SRP72: variants seen among roughly 807,000 people sequenced by gnomAD.
SRP72 encodes signal recognition particle 72, also known as signal recognition particle subunit SRP72.
In SRP72, 49 loss-of-function variants were observed where a neutral mutation model predicts 96.3. That is an observed-to-expected ratio of 0.51 (90% confidence interval 0.40 to 0.65). The LOEUF is 0.65. Among genes scored for constraint, SRP72 ranks in the 30% least tolerant of loss-of-function variants. SRP72 has a pLI of 0.00. For synonymous variants in SRP72, 267 were observed against 275.2 expected (o/e 0.97, Z 0.30); for missense variants, 736 against 793.3 (o/e 0.93, Z 0.87).
intron 11 of SRP72, 139 bp from the exon 12 acceptor site, chr4:56,487,808 TTA>T (rs1720771388): frequency 4.8e-6 from 3 of 621,860 alleles, no homozygotes; most frequent in South Asian, 2.1e-5. Flanking sequence ...ACCCCAAAGT[TTA>T]TATGTTTAGC....
At chr4:56,495,482 C>T (rs538060261) in intron 17 of SRP72, 88 bp downstream of exon 17, 73 of 774,084 alleles carry the variant, frequency 9.4e-5, no homozygotes, top group East Asian at 6.5e-4. Context: ...CATAAATATA[C>T]TGCCCTCCCT....
intron 11 of SRP72, among the ~76,000 whole-genome samples, chr4:56,486,964 A>C (rs535564439): frequency 3.4e-4 from 52 of 152,338 alleles, no homozygotes; most frequent in Middle Eastern, 3.4e-3. Context: ...CACTAGCCAC[A>C]TACAGCTATT....
chr4:56,487,333 C>A (rs1342852176), intron 11 of SRP72, among the ~76,000 whole-genome samples: 1 of 152,152 alleles, frequency 6.6e-6, no homozygotes, highest in Non-Finnish European at 1.5e-5. Flanking sequence ...CCAATTCTCA[C>A]ATTTCTTTGC....
At position 56,467,711 on chromosome 4, in the gene SRP72, G is replaced by A; in HGVS notation, c.76G>A (p.Asp26Asn). ...AGTGAACCGGTATGGCCAGAACGGC[G>A]ACTTCACGCGCGCTCTCAAGACCGT... ...SEVNRYGQNG[D>N]FTRALKTVNK... is the part of the protein sequence containing the mutation. The change falls in exon 1 of 19, where the codon GAC (aspartate) becomes AAC (asparagine). Residue 26 changes from aspartate (D) to asparagine (N), a missense_variant. Physicochemically the swap from Asp to Asn is conservative, Grantham distance 23. Transcript: ENST00000642900. The A allele has an allele frequency of 6.4e-7, 1 of 1,553,924 alleles. No individual in the cohort carries two copies. The highest frequency in any genetic ancestry group is 8.7e-7 in the Non-Finnish European group (1 of 1,153,568).
chr4:56,476,725 A>G, intron 6 of SRP72, 23 bp downstream of exon 6: 1 of 1,611,102 alleles, frequency 6.2e-7, no homozygotes, highest in Non-Finnish European at 8.5e-7. Flanking sequence ...TCATTGTTAA[A>G]CCTAAATTTT....
At chr4:56,473,340 C>G (rs59828502) in intron 3 of SRP72, among the ~76,000 whole-genome samples, 12,587 of 151,750 alleles carry the variant, frequency 0.083, 671 homozygotes, top group East Asian at 0.27. Context: ...GGCGCCTGGT[C>G]CCAGCTACTC....
chr4:56,489,316 G>GT (rs1560685221), intron 12 of SRP72, 72 bp from the exon 13 acceptor site: 4 of 790,672 alleles, frequency 5.1e-6, no homozygotes, highest in East Asian at 2.7e-5. Flanking sequence ...TTTCTTCAGC[G>GT]TTTTTTATTT....
At chr4:56,490,289 A>T in intron 13 of SRP72, 44 bp from the exon 14 acceptor site, 1 of 1,492,496 alleles carries the variant, frequency 6.7e-7, no homozygotes, top group Non-Finnish European at 9.3e-7. Flanking sequence ...CACTTGCTAG[A>T]TATTTAACTT....
At chr4:56,498,358 C>T (rs1721150011) in intron 17 of SRP72, among the ~76,000 whole-genome samples, 1 of 152,120 alleles carries the variant, frequency 6.6e-6, no homozygotes, top group African/African-American at 2.4e-5. Flanking sequence ...CCTTTGAAAA[C>T]CGGCACAAGA....
chr4:56,474,529 C>A lies in SRP72; in HGVS notation c.610+138C>A. 4.0e-6 allele frequency: 3 copies of A among 757,372 alleles called. No individual in the cohort carries two copies. The South Asian group carries it at 5.7e-5, about 14-fold the overall frequency. The allele number at this position is 757,372 out of a possible 1,614,324, so 46.9% of individuals were successfully genotyped here. On this transcript the variant is annotated intron_variant, in intron 5 of 18. Coordinates refer to ENST00000642900, the MANE Select transcript of SRP72 (RefSeq NM_006947.4). ...AGTGACAATTTCTCCAAGTTCCTGT[C>A]GTCTTTCTCTCTCTTTTTTTTTTTT...
intron 15 of SRP72, 133 bp downstream of exon 15, chr4:56,490,778 A>G (rs1042052729): frequency 5.7e-6 from 4 of 702,416 alleles, no homozygotes; most frequent in Non-Finnish European, 4.6e-6. Context: ...AGTAAAACCA[A>G]AAAATGAGAA....
intron 3 of SRP72, 116 bp downstream of exon 3, chr4:56,471,959 C>A (rs563575805): frequency 8.3e-6 from 10 of 1,199,310 alleles, no homozygotes; most frequent in Non-Finnish European, 1.1e-5. Flanking sequence ...AAACTGACCA[C>A]CAAACCAGTC....
chr4:56,487,136 G>A (rs987479195), intron 11 of SRP72, among the ~76,000 whole-genome samples: 4 of 152,154 alleles, frequency 2.6e-5, no homozygotes, highest in African/African-American at 9.7e-5. Context: ...AACAGCTCTG[G>A]TATAGAATGT....
In SRP72 at chr4:56,502,182, A is replaced by G. The variant is rs886059499; in HGVS notation, c.*321A>G. ...TCACATACCTTATCTAAGGTTTCCC[A>G]GGATTTAAACAGAAACTACTTCTAT... is the stretch of plus-strand genomic sequence containing the variant. On this transcript the variant is annotated 3_prime_UTR_variant, in exon 19 of 19. Transcript: ENST00000642900. 5.6e-5 allele frequency: 13 copies of G among 233,632 alleles called. No homozygotes were observed. Among genetic ancestry groups the G allele is most frequent in the Admixed American group, 3.1e-4 (6 of 19,062 alleles). The allele number at this position is 233,632 out of a possible 1,614,324, so 14.5% of individuals were successfully genotyped here. A position where few individuals can be genotyped will look rare whatever the true frequency, so the allele number is the denominator to read the frequency against.
At chr4:56,469,978 T>G (rs1475741333) in intron 2 of SRP72, among the ~76,000 whole-genome samples, 1 of 151,808 alleles carries the variant, frequency 6.6e-6, no homozygotes, top group East Asian at 1.9e-4. Context: ...GAGAGTTTTT[T>G]TTTTTTTTTT....
At chr4:56,500,213 G>A (rs947082081) in intron 17 of SRP72, among the ~76,000 whole-genome samples, 1 of 152,092 alleles carries the variant, frequency 6.6e-6, no homozygotes, top group Non-Finnish European at 1.5e-5. Flanking sequence ...AGGCCTGTCG[G>A]GGGGCGGTGG....
chr4:56,474,005 C>G, intron 3 of SRP72, 49 bp from the exon 4 acceptor site: 1 of 1,575,432 alleles, frequency 6.3e-7, no homozygotes, highest in African/African-American at 1.4e-5. Context: ...ATATTAAAGA[C>G]ATAACACCAT....
intron 16 of SRP72, among the ~76,000 whole-genome samples, chr4:56,492,583 A>G (rs1720947038): frequency 6.6e-6 from 1 of 152,192 alleles, no homozygotes; most frequent in African/African-American, 2.4e-5. Context: ...CCTAACTTAA[A>G]AAAAACTCAG....
chr4:56,481,633 C>A (rs1182003498), intron 8 of SRP72, among the ~76,000 whole-genome samples: 1 of 151,986 alleles, frequency 6.6e-6, no homozygotes, highest in Admixed American at 6.6e-5. Flanking sequence ...AGATATGTTT[C>A]TGAGGTTTCA....
Sources: gnomAD v4.1 joint callset for allele counts (sites outside exome capture counted in the v4.1 genomes callset) on GRCh38, gnomAD v4.1.1 for gene constraint, MANE v1.5 for transcripts, NCBI Gene and HGNC (gene_info 2026-07-23, HGNC 2026-07-21) for gene names.